Variants in BABAM2 observed in about 807,000 individuals in gnomAD.
BABAM2 encodes BRISC and BRCA1 A complex member 2.
BABAM2 carries 31 observed loss-of-function variants against 54.7 expected under a neutral mutation model. That is an observed-to-expected ratio of 0.57 (90% CI 0.43 to 0.77). The LOEUF is 0.77. BABAM2 is among the 30% of genes least tolerant of loss of function. The probability of loss-of-function intolerance (pLI) is 0.00; values close to 1 mark genes in which losing one functional copy is unlikely to be tolerated. For synonymous variants in BABAM2, 167 were observed against 162.9 expected (o/e 1.03, Z -0.19); for missense variants, 364 against 455.8 (o/e 0.80, Z 1.83).
In BABAM2 at chr2:28,095,711, T is replaced by C. The variant is rs1042775428; in HGVS notation, c.571-33560T>C. ...GATTTGGTACTCAGCTGTCCAAAAA[T>C]CTCATGTAAAACAAGGTTTCATTAA... On this transcript the variant is annotated intron_variant, in intron 6 of 11. Transcript: ENST00000379624. Among the ~76,000 whole-genome samples, 4 of 152,302 alleles carry C rather than the reference T, an allele frequency of 2.6e-5. No individual in the cohort carries two copies. The East Asian group carries it at 7.7e-4, about 29-fold the overall frequency.
chr2:28,112,957 G>A (rs1323269046), intron 6 of BABAM2, among the ~76,000 whole-genome samples: 8 of 152,196 alleles, frequency 5.3e-5, no homozygotes, highest in Non-Finnish European at 8.8e-5. Flanking sequence ...AATGACCGGT[G>A]ATGATGAGCT....
At chr2:28,022,911 T>C (rs1306414615) in intron 4 of BABAM2, among the ~76,000 whole-genome samples, 1 of 152,194 alleles carries the variant, frequency 6.6e-6, no homozygotes, top group Admixed American at 6.5e-5. Flanking sequence ...ACTAAAACTT[T>C]ATATATCTTC....
chr2:28,087,219 G>A (rs1161504355), intron 6 of BABAM2, among the ~76,000 whole-genome samples: 2 of 152,138 alleles, frequency 1.3e-5, no homozygotes, highest in African/African-American at 2.4e-5. Context: ...ATAAGGCTTG[G>A]CTCCTGGAGG....
chr2:28,153,382 A>G (rs1672241019), intron 7 of BABAM2, among the ~76,000 whole-genome samples: 2 of 152,226 alleles, frequency 1.3e-5, no homozygotes, highest in Admixed American at 1.3e-4. Context: ...TACTTTGTTC[A>G]TATACATATA....
At chr2:28,048,305 A>G (rs1393432087) in intron 6 of BABAM2, among the ~76,000 whole-genome samples, 1 of 152,214 alleles carries the variant, frequency 6.6e-6, no homozygotes, top group Non-Finnish European at 1.5e-5. Flanking sequence ...GAATTATTTT[A>G]TGTTAAAATG....
rs1666199305 is a variant in BABAM2 at position 27,906,495 on chromosome 2, G to A, written c.128+11811G>A. ...TGCATATGGTGTTTTATGGCCTTTTGTATTTTGTGCTTAAGATTGTAAGTG... is the reference window on the plus strand; with the variant it reads ...TGCATATGGTGTTTTATGGCCTTTTATATTTTGTGCTTAAGATTGTAAGTG... On this transcript the variant is annotated intron_variant, in intron 2 of 11. Transcript: ENST00000379624. Among the ~76,000 whole-genome samples the A allele has an allele frequency of 5.3e-5, 8 of 152,134 alleles. No individual in the cohort carries two copies. In the South Asian group the frequency reaches 1.7e-3, roughly 32 times the overall value.
intron 2 of BABAM2, among the ~76,000 whole-genome samples, chr2:27,901,533 G>A (rs1665797521): frequency 6.6e-6 from 1 of 152,184 alleles, no homozygotes; most frequent in African/African-American, 2.4e-5. Context: ...GATACTCAGT[G>A]TAAGTACTTG....
chr2:28,333,034 C>T (rs1691100717), intron 11 of BABAM2, among the ~76,000 whole-genome samples: 2 of 152,270 alleles, frequency 1.3e-5, no homozygotes, highest in African/African-American at 4.8e-5. Context: ...CCCGCTTCGG[C>T]ACACACGCGT....
intron 10 of BABAM2, among the ~76,000 whole-genome samples, chr2:28,251,066 C>G (rs180724016): frequency 6.6e-6 from 1 of 152,232 alleles, no homozygotes; most frequent in Non-Finnish European, 1.5e-5. Flanking sequence ...TGATAAGGTT[C>G]TTACTCTGAT....
chr2:28,193,477 G>A (rs1486131998), intron 7 of BABAM2, among the ~76,000 whole-genome samples: 1 of 152,126 alleles, frequency 6.6e-6, no homozygotes, highest in African/African-American at 2.4e-5. Flanking sequence ...TTCCTCATGT[G>A]TAAAATGACA....
At chr2:28,170,321 ATTG>A (rs1346496099) in intron 7 of BABAM2, among the ~76,000 whole-genome samples, 2 of 152,116 alleles carry the variant, frequency 1.3e-5, no homozygotes, top group East Asian at 3.9e-4. Flanking sequence ...GTGATTATGT[ATTG>A]TTTTAATTTT....
At chr2:27,900,368 CTTTTTTT>C (rs557118072) in intron 2 of BABAM2, among the ~76,000 whole-genome samples, 1 of 138,154 alleles carries the variant, frequency 7.2e-6, no homozygotes, top group Non-Finnish European at 1.6e-5. Flanking sequence ...AGCAAGATTT[CTTTTTTT>C]TTTTTTTAAA....
intron 7 of BABAM2, among the ~76,000 whole-genome samples, chr2:28,136,196 C>G (rs945319856): frequency 2.6e-5 from 4 of 152,340 alleles, no homozygotes; most frequent in Admixed American, 2.6e-4. Flanking sequence ...TTTACCTCCC[C>G]CACAGGGTCC....
intron 4 of BABAM2, among the ~76,000 whole-genome samples, chr2:27,997,212 A>G (rs1215087579): frequency 6.6e-6 from 1 of 152,210 alleles, no homozygotes; most frequent in African/African-American, 2.4e-5. Context: ...CAATATATAT[A>G]TTCCTAAGGT....
chr2:28,238,679 C>T (rs941846500), intron 8 of BABAM2, among the ~76,000 whole-genome samples: 13 of 152,160 alleles, frequency 8.5e-5, no homozygotes, highest in Non-Finnish European at 5.9e-5. Context: ...CAAAACTGAT[C>T]GGAGGACAGA....
intron 7 of BABAM2, among the ~76,000 whole-genome samples, chr2:28,192,785 G>A (rs1203613660): frequency 6.6e-6 from 1 of 151,900 alleles, no homozygotes; most frequent in Non-Finnish European, 1.5e-5. Flanking sequence ...GCCTCCCAAA[G>A]TGCTGTGATT....
intron 7 of BABAM2, among the ~76,000 whole-genome samples, chr2:28,178,760 AAGAG>A (rs1291616869): frequency 2.0e-5 from 3 of 151,956 alleles, no homozygotes; most frequent in Non-Finnish European, 4.4e-5. Flanking sequence ...TACAAGAAAA[AAGAG>A]AGAAGACCCA....
chr2:27,938,986 C>T (rs532053741), intron 3 of BABAM2, among the ~76,000 whole-genome samples: 1 of 152,120 alleles, frequency 6.6e-6, no homozygotes, highest in East Asian at 1.9e-4. Flanking sequence ...CCAAGTCTTG[C>T]TCTAGCACCA....
At chr2:28,338,310 G>A in intron 11 of BABAM2, 140 bp from the exon 12 acceptor site, 1 of 772,270 alleles carries the variant, frequency 1.3e-6, no homozygotes. Context: ...CTTTGCCTCA[G>A]CAGAGAAGGC....
Sources: allele counts gnomAD v4.1 joint callset (sites outside exome capture counted in the v4.1 genomes callset), GRCh38; gene constraint gnomAD v4.1.1; transcripts MANE v1.5; gene names NCBI Gene and HGNC (gene_info 2026-07-23, HGNC 2026-07-21).